VWC2: variants seen among roughly 807,000 people sequenced by gnomAD.
VWC2 encodes von Willebrand factor C domain containing 2.
Under a neutral mutation model 29.8 loss-of-function variants are expected in VWC2, and 14 were observed. The ratio of observed to expected loss-of-function variants is 0.47; its 90% CI spans 0.31 to 0.74. The LOEUF (loss-of-function observed/expected upper bound fraction) is 0.74, where lower values mean the gene tolerates loss of function less well. VWC2 is among the 30% of genes least tolerant of loss of function. VWC2 has a pLI of 0.05. For missense variants in VWC2, 457 were observed against 459.8 expected (o/e 0.99, Z 0.05); for synonymous variants, 213 against 199.0 (o/e 1.07, Z -0.59).
chr7:49,849,945 G>A (rs1003695810), intron 3 of VWC2, among the ~76,000 whole-genome samples: 5 of 152,156 alleles, frequency 3.3e-5, no homozygotes, highest in Non-Finnish European at 5.9e-5. Context: ...GTACAGCATG[G>A]TGCACAGGAA....
chr7:49,780,622 G>T (rs1002804943), intron 2 of VWC2, among the ~76,000 whole-genome samples: 4 of 152,184 alleles, frequency 2.6e-5, no homozygotes, highest in Non-Finnish European at 5.9e-5. Context: ...CTTTTGGTAG[G>T]ATTGATATCA....
chr7:49,795,746 C>T (rs1435264229), intron 2 of VWC2, among the ~76,000 whole-genome samples: 2 of 152,180 alleles, frequency 1.3e-5, no homozygotes, highest in African/African-American at 4.8e-5. Flanking sequence ...CCATTTCTTT[C>T]TTGACTCAGT....
At chr7:49,774,875 G>A (rs1183952778) in intron 1 of VWC2, among the ~76,000 whole-genome samples, 1 of 152,206 alleles carries the variant, frequency 6.6e-6, no homozygotes, top group Non-Finnish European at 1.5e-5. Flanking sequence ...AGCAAATGAG[G>A]AAGAGTTTCC....
At chr7:49,805,938 G>C (rs935189732) in intron 3 of VWC2, among the ~76,000 whole-genome samples, 39 of 152,322 alleles carry the variant, frequency 2.6e-4, no homozygotes, top group African/African-American at 9.4e-4. Context: ...TGCATCAAAG[G>C]AGCAGAAGTT....
At chr7:49,900,936 G>A (rs562999645) in intron 3 of VWC2, among the ~76,000 whole-genome samples, 2 of 151,886 alleles carry the variant, frequency 1.3e-5, no homozygotes, top group East Asian at 3.9e-4. Context: ...ATTTATCCCA[G>A]GTATGCCTTA....
chr7:49,868,061 C>A (rs941591825), intron 3 of VWC2, among the ~76,000 whole-genome samples: 1 of 151,864 alleles, frequency 6.6e-6, no homozygotes, highest in Non-Finnish European at 1.5e-5. Flanking sequence ...CTCAAACTCC[C>A]GACCTCAAAT....
chr7:49,824,395 G>A (rs1025799959), intron 3 of VWC2, among the ~76,000 whole-genome samples: 1 of 152,012 alleles, frequency 6.6e-6, no homozygotes, highest in Admixed American at 6.6e-5. Context: ...CCATATGTGG[G>A]GACCTTTTTC....
intron 3 of VWC2, among the ~76,000 whole-genome samples, chr7:49,842,144 A>G (rs1789809139): frequency 6.6e-6 from 1 of 152,128 alleles, no homozygotes; most frequent in Admixed American, 6.5e-5. Flanking sequence ...CTGGGATTAG[A>G]TGTGTGAGCC....
chr7:49,877,507 T>C (rs183464611), intron 3 of VWC2, among the ~76,000 whole-genome samples: 10 of 90,318 alleles, frequency 1.1e-4, no homozygotes, highest in South Asian at 3.6e-4. Flanking sequence ...TATATATATA[T>C]ATATATATAT....
At chr7:49,778,478 CT>C (rs1272134920) in intron 2 of VWC2, among the ~76,000 whole-genome samples, 40 of 152,320 alleles carry the variant, frequency 2.6e-4, no homozygotes, top group African/African-American at 9.4e-4. Flanking sequence ...AATATGTCAA[CT>C]ACATAAAGAT....
At chr7:49,825,792 G>T (rs1233966637) in intron 3 of VWC2, among the ~76,000 whole-genome samples, 1 of 152,172 alleles carries the variant, frequency 6.6e-6, no homozygotes, top group East Asian at 1.9e-4. Context: ...ATGCACTTTT[G>T]TCCTTTAATG....
At chr7:49,817,290 T>C (rs1230446382) in intron 3 of VWC2, among the ~76,000 whole-genome samples, 1 of 152,214 alleles carries the variant, frequency 6.6e-6, no homozygotes, top group Non-Finnish European at 1.5e-5. Context: ...ATTGTCACAA[T>C]ATACAATAAA....
At chr7:49,886,160 A>C (rs1187205648) in intron 3 of VWC2, among the ~76,000 whole-genome samples, 1 of 152,158 alleles carries the variant, frequency 6.6e-6, no homozygotes, top group East Asian at 1.9e-4. Flanking sequence ...AGCATCCCAC[A>C]CTGAATTTGG....
chr7:49,829,926 T>G (rs1789487153), intron 3 of VWC2, among the ~76,000 whole-genome samples: 1 of 152,254 alleles, frequency 6.6e-6, no homozygotes, highest in African/African-American at 2.4e-5. Context: ...TTGATTGATT[T>G]ATGTGTCATT....
intron 3 of VWC2, among the ~76,000 whole-genome samples, chr7:49,879,435 G>A (rs966766279): frequency 8.5e-5 from 13 of 152,146 alleles, no homozygotes; most frequent in African/African-American, 2.9e-4. Context: ...GGGTTTATAT[G>A]TGCAGGTACC....
chr7:49,830,205 T>A (rs750536535), intron 3 of VWC2, among the ~76,000 whole-genome samples: 12 of 152,180 alleles, frequency 7.9e-5, no homozygotes, highest in Non-Finnish European at 1.5e-4. Context: ...TTAGGCATTA[T>A]CCTTTTTGTC....
intron 3 of VWC2, among the ~76,000 whole-genome samples, chr7:49,826,233 G>A (rs572907783): frequency 2.4e-4 from 36 of 152,144 alleles, no homozygotes; most frequent in African/African-American, 7.0e-4. Flanking sequence ...TTTCAGTGAC[G>A]CCATCACCAT....
At chr7:49,880,545 T>C (rs1791617470) in intron 3 of VWC2, among the ~76,000 whole-genome samples, 1 of 151,658 alleles carries the variant, frequency 6.6e-6, no homozygotes, top group African/African-American at 2.4e-5. Flanking sequence ...CATCAATTTT[T>C]ATAAATTGTG....
chr7:49,907,190 T>TA (rs1402778595), intron 3 of VWC2, among the ~76,000 whole-genome samples: 1 of 152,136 alleles, frequency 6.6e-6, no homozygotes, highest in African/African-American at 2.4e-5. Context: ...TGCTTATTCT[T>TA]AAAAAAAGTT....
Sources: gnomAD v4.1 joint callset for allele counts (sites outside exome capture counted in the v4.1 genomes callset) on GRCh38, gnomAD v4.1.1 for gene constraint, MANE v1.5 for transcripts, NCBI Gene and HGNC (gene_info 2026-07-23, HGNC 2026-07-21) for gene names.